HOXC4: variants seen among roughly 807,000 people sequenced by gnomAD.
HOXC4 encodes the protein homeobox protein Hox-C4.
HOXC4 carries 15 observed loss-of-function variants against 25.5 expected under a neutral mutation model. That is an observed-to-expected ratio of 0.59 (90% confidence interval 0.39 to 0.91). The LOEUF is 0.91. HOXC4 is among the 40% of genes least tolerant of loss of function. The pLI is 0.00. For missense variants in HOXC4, 342 were observed against 352.4 expected (o/e 0.97, Z 0.24); for synonymous variants, 165 against 148.0 (o/e 1.11, Z -0.83).
chr12:54,043,628 CT>C (rs1298407285), intron 1 of HOXC4, among the ~76,000 whole-genome samples: 2 of 145,548 alleles, frequency 1.4e-5, no homozygotes, highest in African/African-American at 5.0e-5. Context: ...GTTGAGTTTC[CT>C]TCCTTCTGCC....
intron 1 of HOXC4, among the ~76,000 whole-genome samples, chr12:54,026,463 A>T (rs1940702001): frequency 6.6e-6 from 1 of 152,034 alleles, no homozygotes; most frequent in Non-Finnish European, 1.5e-5. Context: ...CTCATCTAAA[A>T]TTTTTTTTCT....
rs1296757845 is a variant in HOXC4, at chr12:54,029,411, G to GCCC, written c.-124+12006_-124+12008dup. The stretch of plus-strand genomic sequence containing the variant: ...TGTTTGCCTTTTGCCCCGCCCCCCC[G>GCCC]CCCCCCCCCCCACCACACACCTTTC... On this transcript the variant is annotated intron_variant, in intron 1 of 3. Transcript: ENST00000303406. 3.8e-3 allele frequency among the ~76,000 whole-genome samples: 295 copies of GCCC among 76,866 alleles called. 2 individuals carry two copies. The highest frequency in any genetic ancestry group is 0.013 in the East Asian group (33 of 2,608). The allele number at this position is 76,866 out of a possible 152,430, so 50.4% of individuals were successfully genotyped here. A position where few individuals can be genotyped will look rare whatever the true frequency, so the allele number is the denominator to read the frequency against.
intron 1 of HOXC4, among the ~76,000 whole-genome samples, chr12:54,041,977 C>CTTTTTTTTTTT (rs796328359): frequency 8.6e-6 from 1 of 116,698 alleles, no homozygotes; most frequent in Non-Finnish European, 1.7e-5. Context: ...CTTTTCTTTT[C>CTTTTTTTTTTT]TTTTTTTTTT....
At chr12:54,046,589 A>G (rs943275817) in intron 1 of HOXC4, among the ~76,000 whole-genome samples, 1 of 152,186 alleles carries the variant, frequency 6.6e-6, no homozygotes, top group Admixed American at 6.5e-5. Flanking sequence ...CCTCGTTAGA[A>G]AAGATCAAAG....
At position 54,055,747 on chromosome 12, in the gene HOXC4, T is replaced by TGG. The variant is rs11362454; in HGVS notation, c.*550_*551dup. On this transcript the variant is annotated 3_prime_UTR_variant, in exon 2 of 2. Coordinates refer to ENST00000430889, the MANE Select transcript of HOXC4 (RefSeq NM_153633.3). ...CTATGAAGTTCTTTTGTATTATTGT[T>TGG]GGGGGGGGGTGTGGGAGGAGAGGGG... 2 of 149,448 alleles carry TGG rather than the reference T, an allele frequency of 1.3e-5. No homozygotes were observed. Among genetic ancestry groups the TGG allele is most frequent in the South Asian group, 2.1e-4 (1 of 4,658 alleles). 9.3% of individuals were successfully genotyped at this position (149,448 alleles called of 1,614,324 possible). A position where few individuals can be genotyped will look rare whatever the true frequency, so the allele number is the denominator to read the frequency against.
At chr12:54,034,524 C>T (rs747629502) in intron 1 of HOXC4, 1 of 1,570,796 alleles carries the variant, frequency 6.4e-7, no homozygotes. Context: ...GAGCGCGCCC[C>T]TAGCCGGTTC....
rs200703154 is a variant in HOXC4 at position 54,033,324 on chromosome 12, C to A, written c.-124+15910C>A. On this transcript the variant is annotated intron_variant, in intron 1 of 3. Coordinates refer to the HOXC4 transcript ENST00000303406. ...CGGGGTAGACATGGCTGCCAACCCC[C>A]GGGCTCACCCCGACCGCCCCGCCTG... is the stretch of plus-strand genomic sequence containing the variant. 4 of 1,613,620 alleles carry A rather than the reference C, an allele frequency of 2.5e-6. No individual in the cohort carries two copies. The African/African-American group carries it at 5.3e-5, about 22-fold the overall frequency.
chr12:54,026,853 A>G (rs775414163), intron 1 of HOXC4, among the ~76,000 whole-genome samples: 12 of 151,934 alleles, frequency 7.9e-5, no homozygotes, highest in Non-Finnish European at 1.6e-4. Context: ...CTTTATTGCT[A>G]CCCATTGATT....
At chr12:54,051,647 G>A (rs952680554), upstream of HOXC4, among the ~76,000 whole-genome samples, 11 of 152,202 alleles carry the variant, frequency 7.2e-5, no homozygotes, top group Middle Eastern at 3.2e-3. Flanking sequence ...ACCTGGCCTG[G>A]TTACAGTGGG....
At chr12:54,040,183 G>A (rs1941247869) in intron 1 of HOXC4, among the ~76,000 whole-genome samples, 2 of 152,124 alleles carry the variant, frequency 1.3e-5, no homozygotes, top group Admixed American at 1.3e-4. Context: ...GGAGCGGAGG[G>A]TGGGCAGGCA....
At chr12:54,051,770 T>C (rs1268833513), upstream of HOXC4, among the ~76,000 whole-genome samples, 1 of 152,156 alleles carries the variant, frequency 6.6e-6, no homozygotes, top group Non-Finnish European at 1.5e-5. Context: ...GCCTAAGCAT[T>C]GGAGGAGGGA....
At chr12:54,049,799 C>T (rs566389975), upstream of HOXC4, among the ~76,000 whole-genome samples, 554 of 102,298 alleles carry the variant, frequency 5.4e-3, 5 homozygotes, top group African/African-American at 0.012. Flanking sequence ...CACACACACA[C>T]GAAAAAAATG....
intron 1 of HOXC4, chr12:54,029,875 G>A: frequency 1.2e-6 from 2 of 1,612,668 alleles, no homozygotes; most frequent in South Asian, 1.1e-5. Context: ...CCACTCTCTC[G>A]GGGGGCGGCG....
At chr12:54,029,012 A>G (rs1310162677) in intron 1 of HOXC4, 31 of 1,266,474 alleles carry the variant, frequency 2.4e-5, no homozygotes, top group Non-Finnish European at 3.4e-5. Context: ...AGAGTTTTTT[A>G]TGGCCCCATA....
intron 1 of HOXC4, chr12:54,033,173 T>C (rs1941053909): frequency 6.2e-7 from 1 of 1,614,226 alleles, no homozygotes; most frequent in Middle Eastern, 1.6e-4. Context: ...CCAATATCCC[T>C]GCCTATAACA....
At chr12:54,028,689 G>A (rs750347742) in intron 1 of HOXC4, 1 of 1,613,928 alleles carries the variant, frequency 6.2e-7, no homozygotes, top group Non-Finnish European at 8.5e-7. Context: ...CCTTTTATTC[G>A]CCACAGGAGA....
intron 1 of HOXC4, 112 bp downstream of exon 1, chr12:54,054,473 T>C: frequency 7.0e-6 from 4 of 570,166 alleles, no homozygotes; most frequent in African/African-American, 2.1e-5. Flanking sequence ...CCCCTCTCTC[T>C]CCAGGAGCGA....
At chr12:54,054,422 T>A (rs1592250352) in intron 1 of HOXC4, 61 bp downstream of exon 1, 3 of 858,162 alleles carry the variant, frequency 3.5e-6, no homozygotes, top group Non-Finnish European at 3.1e-6. Flanking sequence ...CTCCCCACCC[T>A]CCTCGGCCCC....
At chr12:54,021,991 G>C (rs1940469966) in intron 1 of HOXC4, 1 of 152,252 alleles carries the variant, frequency 6.6e-6, no homozygotes, top group Non-Finnish European at 1.5e-5. Flanking sequence ...TCTTAAAACA[G>C]GGCAGCTGTT....
Sources: allele counts gnomAD v4.1 joint callset (sites outside exome capture counted in the v4.1 genomes callset), GRCh38; gene constraint gnomAD v4.1.1; transcripts MANE v1.5; gene names NCBI Gene and HGNC (gene_info 2026-07-23, HGNC 2026-07-21).